Variants in MEF2A observed in about 807,000 individuals in gnomAD.
MEF2A encodes myocyte-specific enhancer factor 2A.
In MEF2A, 28 loss-of-function variants were observed where a neutral mutation model predicts 55.8. The ratio of observed to expected loss-of-function variants is 0.50; its 90% CI spans 0.37 to 0.69. The LOEUF (loss-of-function observed/expected upper bound fraction) is 0.69. Among genes scored for constraint, MEF2A ranks in the 30% least tolerant of loss-of-function variants. The pLI is 0.00. For synonymous variants in MEF2A, 239 were observed against 227.1 expected, an observed-to-expected ratio of 1.05 and a Z score of -0.47; for missense variants, 528 against 626.2, an observed-to-expected ratio of 0.84 and a Z score of 1.67.
At chr15:99,679,717 T>G (rs1232191035) in intron 7 of MEF2A, among the ~76,000 whole-genome samples, 3 of 152,258 alleles carry the variant, frequency 2.0e-5, no homozygotes, top group Admixed American at 2.0e-4. Context: ...TGATAAATCC[T>G]TAACCTATAC....
chr15:99,602,488 C>G (rs1973429819), intron 2 of MEF2A, among the ~76,000 whole-genome samples: 1 of 152,104 alleles, frequency 6.6e-6, no homozygotes, highest in Non-Finnish European at 1.5e-5. Context: ...GCCCATATGT[C>G]CAACTCCTGA....
At position 99,665,334 on chromosome 15, in the gene MEF2A, G is replaced by A. The variant is rs140773757; in HGVS notation, c.259-5989G>A. Among the ~76,000 whole-genome samples, 472 of 152,234 alleles carry A rather than the reference G, an allele frequency of 3.1e-3. 3 individuals carry two copies. The highest frequency in any genetic ancestry group is 0.01 in the African/African-American group (422 of 41,536). On this transcript the variant is annotated intron_variant, in intron 4 of 11. Transcript: ENST00000557942. ...AGATAGAAAGAAAAACAAGCAATGG[G>A]GAAAGGATTCCCTATTTAATAAATG...
chr15:99,643,373 G>T (rs2045367304), intron 3 of MEF2A, among the ~76,000 whole-genome samples: 1 of 152,104 alleles, frequency 6.6e-6, no homozygotes, highest in Admixed American at 6.5e-5. Context: ...ACTCTTAACA[G>T]CTTGTTTTCT....
chr15:99,629,553 A>AGAAAGTTAGTCCTCTTTCC (rs2042600101), intron 2 of MEF2A, among the ~76,000 whole-genome samples: 1 of 152,212 alleles, frequency 6.6e-6, no homozygotes, highest in Non-Finnish European at 1.5e-5. Context: ...GTAATGAGCT[A>AGAAAGTTAGTCCTCTTTCC]GAAAGTTAGT....
At chr15:99,679,481 T>G (rs1262344356) in intron 7 of MEF2A, among the ~76,000 whole-genome samples, 1 of 152,336 alleles carries the variant, frequency 6.6e-6, no homozygotes, top group Non-Finnish European at 1.5e-5. Context: ...ATTCTAACTA[T>G]ATAAAGTTTG....
chr15:99,638,736 T>A (rs2044341683), intron 3 of MEF2A, among the ~76,000 whole-genome samples: 1 of 152,180 alleles, frequency 6.6e-6, no homozygotes, highest in Admixed American at 6.5e-5. Flanking sequence ...TTTAAGTTCA[T>A]GTCTGTGAAT....
chr15:99,683,357 A>G (rs2053591746), intron 7 of MEF2A, among the ~76,000 whole-genome samples: 1 of 152,132 alleles, frequency 6.6e-6, no homozygotes, highest in African/African-American at 2.4e-5. Flanking sequence ...AACAAGAGGA[A>G]TTGGGTGAGG....
intron 2 of MEF2A, among the ~76,000 whole-genome samples, chr15:99,626,781 T>C (rs1385815456): frequency 2.0e-5 from 3 of 152,210 alleles, no homozygotes; most frequent in South Asian, 2.1e-4. Context: ...TCTGCAAATA[T>C]AGATTTGCTT....
chr15:99,624,444 G>A lies in MEF2A; in HGVS notation c.-142-8534G>A, dbSNP rs116594241. On this transcript the variant is annotated intron_variant, in intron 2 of 11. Coordinates refer to ENST00000557942, the MANE Select transcript of MEF2A (RefSeq NM_001319206.4). The stretch of plus-strand genomic sequence containing the variant: ...CATCATTTGTTGAAAAGACTGTCCC[G>A]CATTGAATGGTCTTAGCATCCTTTT... Among the ~76,000 whole-genome samples the A allele has an allele frequency of 3.0e-3, 463 of 152,154 alleles. 3 individuals carry two copies. The highest frequency in any genetic ancestry group is 0.011 in the African/African-American group (442 of 41,504).
intron 1 of MEF2A, among the ~76,000 whole-genome samples, chr15:99,574,566 T>G (rs985269916): frequency 2.0e-5 from 3 of 152,156 alleles, no homozygotes; most frequent in Non-Finnish European, 4.4e-5. Flanking sequence ...TAGATTCTCA[T>G]AAGGAGTGCA....
intron 8 of MEF2A, among the ~76,000 whole-genome samples, chr15:99,698,859 A>G (rs2056919976): frequency 1.3e-5 from 2 of 152,046 alleles, no homozygotes; most frequent in Non-Finnish European, 2.9e-5. Context: ...AATCTCTCCC[A>G]TATCTTTGGA....
rs781467335 is a variant in MEF2A at position 99,716,450 on chromosome 15, C to T, written c.*3679C>T. The T allele has an allele frequency of 1.8e-5, 8 of 455,716 alleles. No individual in the cohort carries two copies. The highest frequency in any genetic ancestry group is 4.7e-5 in the Admixed American group (2 of 42,504). 28.2% of individuals were successfully genotyped at this position (455,716 alleles called of 1,614,324 possible). On this transcript the variant is annotated 3_prime_UTR_variant, in exon 12 of 12. Coordinates refer to ENST00000557942, the MANE Select transcript of MEF2A (RefSeq NM_001319206.4). ...AGGTTGTTGTAAACTGTTTGTCTCC[C>T]GCACTCACTCCAGTAAAGACGGACT...
intron 1 of MEF2A, among the ~76,000 whole-genome samples, chr15:99,589,801 C>A (rs892538113): frequency 6.6e-6 from 1 of 151,686 alleles, no homozygotes. Flanking sequence ...TAGAAATGTC[C>A]CCCCCCAAAA....
In MEF2A at chr15:99,696,181, C is replaced by G. The variant is rs2153744505; in HGVS notation, c.858+5753C>G. Among the ~76,000 whole-genome samples, 6 of 152,274 alleles carry G rather than the reference C, an allele frequency of 3.9e-5. No homozygotes were observed. In the South Asian group the frequency reaches 1.2e-3, roughly 32 times the overall value. ...ATTGTAGTTGGAGACTTCTATATCC[C>G]TCTCAGTAACTGATAGAACAAGTAG... On this transcript the variant is annotated intron_variant, in intron 8 of 11. Coordinates refer to ENST00000557942, the MANE Select transcript of MEF2A (RefSeq NM_001319206.4).
At chr15:99,626,853 G>A (rs1275604513) in intron 2 of MEF2A, among the ~76,000 whole-genome samples, 1 of 152,124 alleles carries the variant, frequency 6.6e-6, no homozygotes, top group Admixed American at 6.5e-5. Context: ...CTAACCGAAA[G>A]CGAAGATGAC....
In MEF2A at chr15:99,672,236, C is replaced by G. The variant is rs937241540; in HGVS notation, c.390+782C>G. On this transcript the variant is annotated intron_variant, in intron 5 of 11. Transcript: ENST00000557942. Reference sequence around the variant, plus strand: ...ATCACTTAGCAACAATACCACCAGACTTTTGTTCTTTTCTTATGCTGTAGA... The same window carrying G: ...ATCACTTAGCAACAATACCACCAGAGTTTTGTTCTTTTCTTATGCTGTAGA... Among the ~76,000 whole-genome samples, 3 of 152,180 alleles carry G rather than the reference C, an allele frequency of 2.0e-5. 1 individual carries two copies. The highest frequency in any genetic ancestry group is 4.4e-5 in the Non-Finnish European group (3 of 68,020).
intron 7 of MEF2A, among the ~76,000 whole-genome samples, chr15:99,677,880 C>G (rs1036644581): frequency 5.3e-5 from 8 of 152,074 alleles, no homozygotes; most frequent in Non-Finnish European, 7.4e-5. Context: ...AACAAAGATA[C>G]AAGCATTGAA....
At chr15:99,651,800 G>A (rs549523706) in intron 4 of MEF2A, among the ~76,000 whole-genome samples, 1 of 152,304 alleles carries the variant, frequency 6.6e-6, no homozygotes, top group South Asian at 2.1e-4. Context: ...GTCTCTAAGT[G>A]TGGTTTTTCT....
intron 4 of MEF2A, among the ~76,000 whole-genome samples, chr15:99,662,905 G>A (rs1410425667): frequency 6.6e-6 from 1 of 152,152 alleles, no homozygotes; most frequent in East Asian, 1.9e-4. Context: ...AAGGTGGGTG[G>A]TCAAATTTTT....
Sources: gnomAD v4.1 joint callset for allele counts (sites outside exome capture counted in the v4.1 genomes callset) on GRCh38, gnomAD v4.1.1 for gene constraint, MANE v1.5 for transcripts, NCBI Gene and HGNC (gene_info 2026-07-23, HGNC 2026-07-21) for gene names.